The following ACACB variants were observed in gnomAD, a reference collection of about 807,000 sequenced individuals.
The protein encoded by ACACB is acetyl-CoA carboxylase 2.
Under a neutral mutation model 278.8 loss-of-function variants are expected in ACACB, and 209 were observed. The ratio of observed to expected loss-of-function variants is 0.75; its 90% CI spans 0.67 to 0.84. ACACB has a LOEUF of 0.84. ACACB is among the 40% of genes least tolerant of loss of function. ACACB has a pLI of 0.00. For missense variants in ACACB, 2,850 were observed against 3,269.0 expected (o/e 0.87, Z 3.13); for synonymous variants, 1,174 against 1,285.6 (o/e 0.91, Z 1.86).
chr12:109,216,789 C>T lies in ACACB; in HGVS notation c.3440-7C>T, dbSNP rs748235646. ...TTTACCTCTGTGTGGTGTTTTGTCT[C>T]CCCCAGCCCACTACGACAAGTGTGT... On this transcript the variant is annotated splice_region_variant and splice_polypyrimidine_tract_variant and intron_variant, in intron 23 of 52. Coordinates refer to ENST00000338432, the MANE Select transcript of ACACB (RefSeq NM_001093.4). 1.2e-6 allele frequency: 2 copies of T among 1,613,924 alleles called. No individual in the cohort carries two copies. Among genetic ancestry groups the T allele is most frequent in the African/African-American group, 2.7e-5 (2 of 74,892 alleles).
At chr12:109,168,078 G>C in intron 4 of ACACB, 44 bp downstream of exon 4, 1 of 1,563,968 alleles carries the variant, frequency 6.4e-7, no homozygotes. Flanking sequence ...CTCCATCCTT[G>C]CCTGCCCTCG....
At chr12:109,262,536 G>A in intron 49 of ACACB, 67 bp downstream of exon 49, 2 of 934,324 alleles carry the variant, frequency 2.1e-6, no homozygotes, top group East Asian at 2.4e-5. Context: ...ACTGCTGGGG[G>A]TTTCTAGGAT....
intron 2 of ACACB, among the ~76,000 whole-genome samples, chr12:109,144,637 G>A (rs187323676): frequency 1.3e-5 from 2 of 152,194 alleles, no homozygotes; most frequent in African/African-American, 2.4e-5. Flanking sequence ...TGGGTCTTCC[G>A]AAGAGCTGAG....
At chr12:109,176,707 TC>T (rs2044293029) in intron 9 of ACACB, among the ~76,000 whole-genome samples, 1 of 152,114 alleles carries the variant, frequency 6.6e-6, no homozygotes, top group Non-Finnish European at 1.5e-5. Context: ...ACCTCTGCCT[TC>T]CAGGTTCAAA....
In ACACB at chr12:109,210,319, C is replaced by CTG. The variant is rs1335300268; in HGVS notation, c.3249+970_3249+971dup. 9.5e-4 allele frequency among the ~76,000 whole-genome samples: 56 copies of CTG among 58,918 alleles called. 7 individuals are homozygous for CTG. The highest frequency in any genetic ancestry group is 2.5e-3 in the African/African-American group (41 of 16,444). The allele number at this position is 58,918 out of a possible 152,430, so 38.7% of individuals were successfully genotyped here. ...TATATGTATATATACACACACATATCTGTGTATATATGTATATACACGCAC... is the reference window on the plus strand; with the variant it reads ...TATATGTATATATACACACACATATCTGTGTGTATATATGTATATACACGCAC... On this transcript the variant is annotated intron_variant, in intron 21 of 52. Coordinates refer to ENST00000338432, the MANE Select transcript of ACACB (RefSeq NM_001093.4).
At chr12:109,186,620 A>G (rs899989806) in intron 12 of ACACB, among the ~76,000 whole-genome samples, 1 of 152,292 alleles carries the variant, frequency 6.6e-6, no homozygotes, top group Non-Finnish European at 1.5e-5. Flanking sequence ...CACAGGACTC[A>G]TCAATCTACT....
Position 109,196,993 on chromosome 12 carries a change from G to T in ACACB, c.2482-15G>T. 6.5e-7 allele frequency: 1 copy of T among 1,540,740 alleles called. No individual in the cohort carries two copies. Among genetic ancestry groups the T allele is most frequent in the Non-Finnish European group, 8.7e-7 (1 of 1,151,016 alleles). On this transcript the variant is annotated splice_polypyrimidine_tract_variant and intron_variant, in intron 16 of 52. Transcript: ENST00000338432. The stretch of plus-strand genomic sequence containing the variant: ...ATCCTGAACCCAGGCGGTGACAAGG[G>T]GCTTGTCCCCACAGGTGGCCCGGCA...
intron 16 of ACACB, among the ~76,000 whole-genome samples, chr12:109,196,216 C>T (rs982007463): frequency 6.6e-6 from 1 of 152,084 alleles, no homozygotes; most frequent in African/African-American, 2.4e-5. Flanking sequence ...TCTCACGTGT[C>T]CCAAAGCTCT....
At position 109,223,817 on chromosome 12, in the gene ACACB, A is replaced by G. The variant is rs1485040149; in HGVS notation, c.3795A>G (p.Lys1265=). The part of the protein sequence containing the change: ...GHQFCPENLK[K]LILSETTIFD... ...TTTCCCCTTTTCATTTCCCTTAGAA[A>G]TTAATACTTTCGGAAACAACCATCT... The change falls in exon 27 of 53, where the codon AAA becomes AAG. Residue 1265 remains lysine, a splice_region_variant and synonymous_variant. Transcript: ENST00000338432. 6.2e-7 allele frequency: 1 copy of G among 1,613,188 alleles called. No homozygotes were observed. Among genetic ancestry groups the G allele is most frequent in the East Asian group, 2.2e-5 (1 of 44,878 alleles).
intron 48 of ACACB, among the ~76,000 whole-genome samples, chr12:109,261,306 C>G (rs2047369687): frequency 6.6e-6 from 1 of 152,180 alleles, no homozygotes; most frequent in Non-Finnish European, 1.5e-5. Context: ...CATTGATTAC[C>G]TCACTGTATG....
Position 109,250,600 on chromosome 12 carries a change from G to A in ACACB, c.5790+496G>A, listed in dbSNP as rs536735588. ...GGAGTAGTCCCCATCCCATCCCCAT[G>A]GCCTTTCCAAAAATGTTTTCTGTTT... On this transcript the variant is annotated intron_variant, in intron 41 of 52. Coordinates refer to ENST00000338432, the MANE Select transcript of ACACB (RefSeq NM_001093.4). 2.0e-5 allele frequency among the ~76,000 whole-genome samples: 3 copies of A among 152,086 alleles called. No homozygotes were observed. The South Asian group carries it at 6.2e-4, about 32-fold the overall frequency.
Position 109,185,670 on chromosome 12 carries a change from C to T in ACACB, c.1910C>T (p.Thr637Ile), listed in dbSNP as rs2044631536. The change falls in exon 12 of 53, where the codon ACC becomes ATC. Residue 637 changes from threonine to isoleucine, a missense_variant. Thr to Ile is a moderately conservative substitution (Grantham distance 89). This residue lies in a region of ACACB where 2,265 missense variants were observed against 2,561.3 expected (regional missense o/e 0.88). Coordinates refer to ENST00000338432, the MANE Select transcript of ACACB (RefSeq NM_001093.4). ...GGAGTGACTCCCATTTCTTTTGAAA[C>T]CCCCTCAAACCCTCCCCTCGCCCGA... Reference protein sequence around the residue: ...PWGVTPISFETPSNPPLARGH... With the variant: ...PWGVTPISFEIPSNPPLARGH... The T allele has an allele frequency of 6.2e-7, 1 of 1,613,886 alleles. No individual in the cohort carries two copies. The highest frequency in any genetic ancestry group is 1.1e-5 in the South Asian group (1 of 91,032).
intron 1 of ACACB, among the ~76,000 whole-genome samples, chr12:109,121,087 A>G (rs1392151263): frequency 1.3e-5 from 2 of 152,076 alleles, no homozygotes; most frequent in Non-Finnish European, 2.9e-5. Flanking sequence ...CCACAGGTGC[A>G]TATCACCACA....
chr12:109,246,463 T>G lies in ACACB; in HGVS notation c.5571+15T>G, dbSNP rs376506934. On this transcript the variant is annotated intron_variant, in intron 39 of 52. Transcript: ENST00000338432. ...ACCCCCACAAAGTACGTCGTGAAAC[T>G]GGCGGGGCAGGGTGATTCTGCTCAG... The G allele has an allele frequency of 1.1e-5, 18 of 1,605,534 alleles. No individual in the cohort carries two copies. The African/African-American group carries it at 2.0e-4, about 18-fold the overall frequency.
At chr12:109,181,807 T>TAGCAC (rs2044481521) in intron 11 of ACACB, among the ~76,000 whole-genome samples, 1 of 151,070 alleles carries the variant, frequency 6.6e-6, no homozygotes, top group South Asian at 2.1e-4. Flanking sequence ...ACGTCCTTGC[T>TAGCAC]AGCACTTCTT....
Position 109,265,102 on chromosome 12 carries a change from G to C in ACACB, c.6943-8G>C. Reference sequence around the variant, plus strand: ...CTTTCCGGGGATTCAAGCCTGGCTCGTCCACAGGACATCCTGGAGTGGAAG... The same window carrying C: ...CTTTCCGGGGATTCAAGCCTGGCTCCTCCACAGGACATCCTGGAGTGGAAG... On this transcript the variant is annotated splice_polypyrimidine_tract_variant and splice_region_variant and intron_variant, in intron 50 of 52. Coordinates refer to ENST00000338432, the MANE Select transcript of ACACB (RefSeq NM_001093.4). 2 of 1,601,438 alleles carry C rather than the reference G, an allele frequency of 1.2e-6. No homozygotes were observed. Among genetic ancestry groups the C allele is most frequent in the Non-Finnish European group, 1.7e-6 (2 of 1,173,464 alleles).
chr12:109,174,149 A>G lies in ACACB; in HGVS notation c.1135A>G (p.Met379Val). ...VAFLGPPSEA[M>V]WALGDKIAST... ...TTCCTCAGGCCCTCCCAGTGAGGCCATGTGGGCCTTAGGAGATAAGATCGC... is the reference window on the plus strand; with the variant it reads ...TTCCTCAGGCCCTCCCAGTGAGGCCGTGTGGGCCTTAGGAGATAAGATCGC... Residue 379 changes from methionine to valine, a missense_variant, in exon 7 of 53, where the codon ATG (methionine) becomes GTG (valine). Met to Val is a conservative substitution (Grantham distance 21, BLOSUM62 1). Transcript: ENST00000338432. 2 of 1,612,198 alleles carry G rather than the reference A, an allele frequency of 1.2e-6. No homozygotes were observed. The highest frequency in any genetic ancestry group is 2.2e-5 in the South Asian group (2 of 90,470).
At position 109,199,510 on chromosome 12, in the gene ACACB, TG is replaced by T; in HGVS notation, c.2741del (p.Gly914AlafsTer14). ...GKLTQYTVED[G>X]GHVEAGSSYA... Reference sequence around the variant, plus strand: ...AGCTGACACAGTACACAGTGGAGGATGGGGGCCACGTTGAGGCTGGGAGCAG... The same window carrying T: ...AGCTGACACAGTACACAGTGGAGGATGGGGCCACGTTGAGGCTGGGAGCAG... On this transcript the variant is annotated frameshift_variant, in exon 18 of 53. Transcript: ENST00000338432. LOFTEE classifies it high-confidence loss of function. 1 of 1,536,818 alleles carries T rather than the reference TG, an allele frequency of 6.5e-7. No individual in the cohort carries two copies. The highest frequency in any genetic ancestry group is 1.3e-5 in the South Asian group (1 of 79,582).
At chr12:109,212,803 C>T (rs767864416) in intron 21 of ACACB, 33 bp from the exon 22 acceptor site, 1 of 1,572,896 alleles carries the variant, frequency 6.4e-7, no homozygotes, top group East Asian at 2.2e-5. Flanking sequence ...TCTGAATCAT[C>T]AGCAGTCAGA....
Sources: allele counts gnomAD v4.1 joint callset (sites outside exome capture counted in the v4.1 genomes callset), GRCh38; gene constraint gnomAD v4.1.1; regional missense constraint gnomAD v4.1.1; transcripts MANE v1.5; gene names NCBI Gene and HGNC (gene_info 2026-07-23, HGNC 2026-07-21).